ARHGEF7: variants seen among roughly 807,000 people sequenced by gnomAD.
ARHGEF7 encodes the protein Rho guanine nucleotide exchange factor 7, also known as PAK-interacting exchange factor beta.
A neutral mutation model predicts 109.8 loss-of-function variants in ARHGEF7; 33 were observed. The ratio of observed to expected loss-of-function variants is 0.30; its 90% CI spans 0.23 to 0.40. The LOEUF is 0.40. Among genes scored for constraint, ARHGEF7 ranks in the 10% least tolerant of loss-of-function variants. The pLI is 1.00. For synonymous variants in ARHGEF7, 458 were observed against 424.6 expected, an observed-to-expected ratio of 1.08 and a Z score of -0.97; for missense variants, 938 against 1,098.5, an observed-to-expected ratio of 0.85 and a Z score of 2.07.
intron 1 of ARHGEF7, among the ~76,000 whole-genome samples, chr13:111,120,750 G>A (rs1156424593): frequency 6.6e-6 from 1 of 152,212 alleles, no homozygotes; most frequent in East Asian, 1.9e-4. Flanking sequence ...AAGAGAATAA[G>A]ATGTCTGCCC....
In ARHGEF7 at chr13:111,283,324, G is replaced by A. The variant is rs61742293; in HGVS notation, c.1911G>A (p.Ala637=). The A allele has an allele frequency of 6.7e-4, 1,048 of 1,560,766 alleles. 10 individuals are homozygous for A. In the African/African-American group the frequency reaches 0.012, roughly 18 times the overall value. ...GGAGCCTGAGCTGCCTGCGGCCCGC[G>A]CCTCCCCTCCGGCCCTCAGCTGCTC... ...KPWSLSCLRP[A]PPLRPSAALC... Residue 637 remains alanine, a synonymous_variant, in exon 16 of 22, where the codon GCG becomes GCA. Transcript: ENST00000646102.
chr13:111,264,719 C>A (rs1026203582), intron 8 of ARHGEF7, among the ~76,000 whole-genome samples: 1 of 152,182 alleles, frequency 6.6e-6, no homozygotes, highest in Non-Finnish European at 1.5e-5. Flanking sequence ...CCTTTTTTTA[C>A]ACAGCACAGG....
intron 2 of ARHGEF7, among the ~76,000 whole-genome samples, chr13:111,180,637 A>G (rs2078644105): frequency 6.6e-6 from 1 of 152,212 alleles, no homozygotes; most frequent in South Asian, 2.1e-4. Flanking sequence ...GAAGATGCCC[A>G]GTGTCTAACA....
intron 5 of ARHGEF7, among the ~76,000 whole-genome samples, 200 bp from the exon 6 acceptor site, chr13:111,233,005 A>T (rs1423303457): frequency 6.6e-6 from 1 of 152,012 alleles, no homozygotes; most frequent in Non-Finnish European, 1.5e-5. Flanking sequence ...GGGTGCTGTG[A>T]TTGGCCTTGG....
intron 1 of ARHGEF7, among the ~76,000 whole-genome samples, chr13:111,122,120 A>G (rs2067238653): frequency 6.6e-6 from 1 of 152,174 alleles, no homozygotes; most frequent in African/African-American, 2.4e-5. Flanking sequence ...CTCTGGACAG[A>G]CCACCATTGT....
chr13:111,208,709 G>A (rs1215476666), intron 3 of ARHGEF7, among the ~76,000 whole-genome samples: 1 of 152,154 alleles, frequency 6.6e-6, no homozygotes, highest in Non-Finnish European at 1.5e-5. Flanking sequence ...CAAGCAGAAT[G>A]TGCTCTATAG....
chr13:111,300,931 G>C (rs2093551503), intron 20 of ARHGEF7, 84 bp downstream of exon 20: 1 of 806,602 alleles, frequency 1.2e-6, no homozygotes, highest in Non-Finnish European at 1.9e-6. Flanking sequence ...TGAGGGCGGG[G>C]GTATGGCTTC....
chr13:111,300,941 C>G (rs1436512915), intron 20 of ARHGEF7, 94 bp downstream of exon 20: 3 of 687,754 alleles, frequency 4.4e-6, no homozygotes, highest in Non-Finnish European at 4.7e-6. Context: ...GGTATGGCTT[C>G]AGAAGCTTCA....
intron 2 of ARHGEF7, among the ~76,000 whole-genome samples, chr13:111,194,530 A>G (rs2080273366): frequency 6.6e-6 from 1 of 152,220 alleles, no homozygotes. Context: ...CGTCTGGCTA[A>G]GATTAGGCCT....
At chr13:111,282,740 G>T (rs1437879445) in intron 15 of ARHGEF7, 1 of 229,848 alleles carries the variant, frequency 4.4e-6, no homozygotes, top group African/African-American at 2.3e-5. Context: ...CGTGGCTGGG[G>T]GGGAATCACC....
rs1382637366 is a variant in ARHGEF7 at position 111,145,599 on chromosome 13, G to A, written c.166-8306G>A. On this transcript the variant is annotated intron_variant, in intron 1 of 21. Transcript: ENST00000646102. This position sits in a 1 kb window ranked among gnomAD's most constrained non-coding sequence, Gnocchi z 4.3. ...TGTACCGTTTGCTGATTTCTGTGCC[G>A]TAGGTACTTACACCAGGGCTTTAAA... Among the ~76,000 whole-genome samples, 1 of 152,148 alleles carries A rather than the reference G, an allele frequency of 6.6e-6. No homozygotes were observed. Among genetic ancestry groups the A allele is most frequent in the African/African-American group, 2.4e-5 (1 of 41,434 alleles).
chr13:111,224,485 A>T (rs1017103230), intron 5 of ARHGEF7, among the ~76,000 whole-genome samples: 5 of 152,016 alleles, frequency 3.3e-5, no homozygotes, highest in Non-Finnish European at 7.4e-5. Flanking sequence ...TCATTCTCCT[A>T]TTTCTGGACA....
At chr13:111,164,022 C>T (rs1279465905) in intron 2 of ARHGEF7, among the ~76,000 whole-genome samples, 2 of 152,052 alleles carry the variant, frequency 1.3e-5, no homozygotes, top group African/African-American at 4.8e-5. Context: ...GCTCAGCAGC[C>T]CATCTGTGAG....
chr13:111,161,553 GTTATTATCA>G (rs1450897393), intron 2 of ARHGEF7, among the ~76,000 whole-genome samples: 1 of 152,104 alleles, frequency 6.6e-6, no homozygotes, highest in Non-Finnish European at 1.5e-5. Flanking sequence ...GACAATAGCT[GTTATTATCA>G]TTTGCATTAT....
At chr13:111,219,170 C>T (rs1413469419) in intron 5 of ARHGEF7, among the ~76,000 whole-genome samples, 2 of 152,110 alleles carry the variant, frequency 1.3e-5, no homozygotes, top group Non-Finnish European at 2.9e-5. Flanking sequence ...TTAAACAGTC[C>T]CCATTCCCCT....
chr13:111,161,151 G>C (rs976043400), intron 2 of ARHGEF7, among the ~76,000 whole-genome samples: 6 of 152,200 alleles, frequency 3.9e-5, no homozygotes, highest in Non-Finnish European at 4.4e-5. Context: ...ATGTCAACTT[G>C]TGTCACTTCT....
chr13:111,130,981 G>T (rs1353640413), intron 1 of ARHGEF7, among the ~76,000 whole-genome samples: 1 of 152,254 alleles, frequency 6.6e-6, no homozygotes, highest in East Asian at 1.9e-4. Context: ...GGGACGCGGA[G>T]AGACAGGCAG....
At chr13:111,249,108 T>A (rs765471053) in intron 8 of ARHGEF7, among the ~76,000 whole-genome samples, 55 of 152,172 alleles carry the variant, frequency 3.6e-4, no homozygotes, top group Non-Finnish European at 5.6e-4. Context: ...GAGACAGAAT[T>A]CAGGGTCACA....
chr13:111,147,857 C>T (rs1271571813), intron 1 of ARHGEF7, among the ~76,000 whole-genome samples: 1 of 151,814 alleles, frequency 6.6e-6, no homozygotes, highest in Non-Finnish European at 1.5e-5. Flanking sequence ...GCCACTACAC[C>T]CGGCTAATTT....
Sources: allele counts gnomAD v4.1 joint callset (sites outside exome capture counted in the v4.1 genomes callset), GRCh38; gene constraint gnomAD v4.1.1; non-coding constraint Gnocchi (gnomAD v3.1); transcripts MANE v1.5; gene names NCBI Gene and HGNC (gene_info 2026-07-23, HGNC 2026-07-21).